The following PTPRN2 variants were observed in gnomAD, a reference collection of about 807,000 sequenced individuals.
PTPRN2 encodes receptor-type tyrosine-protein phosphatase N2.
Under a neutral mutation model 118.8 loss-of-function variants are expected in PTPRN2, and 74 were observed. The ratio of observed to expected loss-of-function variants is 0.62; its 90% CI spans 0.52 to 0.76. The LOEUF is 0.76. Among genes scored for constraint, PTPRN2 ranks in the 30% least tolerant of loss-of-function variants. PTPRN2 has a pLI of 0.00. For synonymous variants in PTPRN2, 641 were observed against 608.0 expected, an observed-to-expected ratio of 1.05 and a Z score of -0.80; for missense variants, 1,481 against 1,394.4, an observed-to-expected ratio of 1.06 and a Z score of -0.99.
At chr7:158,585,833 G>A (rs1228330541) in intron 1 of PTPRN2, among the ~76,000 whole-genome samples, 2 of 152,186 alleles carry the variant, frequency 1.3e-5, no homozygotes, top group Non-Finnish European at 2.9e-5. Flanking sequence ...TCATGTGTAG[G>A]TGAAGGGCGG....
At position 157,944,644 on chromosome 7, in the gene PTPRN2, T is replaced by C. The variant is rs570155688; in HGVS notation, c.1724-45907A>G. Among the ~76,000 whole-genome samples the C allele has an allele frequency of 6.6e-6, 1 of 152,358 alleles. No individual in the cohort carries two copies. The highest frequency in any genetic ancestry group is 1.9e-4 in the East Asian group (1 of 5,182). ...AGGGTCAAACTATGTCCACAGAGGCTGGAACACCAAAATAGAGGCAAAAGT... is the reference window on the plus strand; with the variant it reads ...AGGGTCAAACTATGTCCACAGAGGCCGGAACACCAAAATAGAGGCAAAAGT... On this transcript the variant is annotated intron_variant, in intron 11 of 22. Coordinates refer to ENST00000389418, the MANE Select transcript of PTPRN2 (RefSeq NM_002847.5). The surrounding 1 kb of genome is among the most constrained non-coding windows in gnomAD (Gnocchi z 4.3).
At chr7:157,814,114 G>A (rs1205542680) in intron 12 of PTPRN2, among the ~76,000 whole-genome samples, 1 of 152,214 alleles carries the variant, frequency 6.6e-6, no homozygotes, top group Non-Finnish European at 1.5e-5. Flanking sequence ...GAGCCCCTGG[G>A]GGACACGGCG....
chr7:158,516,999 C>G (rs1823624677), intron 1 of PTPRN2, among the ~76,000 whole-genome samples: 1 of 152,194 alleles, frequency 6.6e-6, no homozygotes. Flanking sequence ...CCCAGCAGAA[C>G]CACTCGTGAG....
chr7:158,012,394 A>G (rs531382901), intron 11 of PTPRN2, among the ~76,000 whole-genome samples: 1 of 152,352 alleles, frequency 6.6e-6, no homozygotes, highest in African/African-American at 2.4e-5. Flanking sequence ...AAAAATCCAT[A>G]GTGTTTAGTA....
intron 11 of PTPRN2, among the ~76,000 whole-genome samples, chr7:157,961,169 A>C (rs1166366721): frequency 6.6e-6 from 1 of 152,246 alleles, no homozygotes; most frequent in Non-Finnish European, 1.5e-5. Flanking sequence ...GAGATTATGA[A>C]GAAATATTTT....
intron 7 of PTPRN2, among the ~76,000 whole-genome samples, chr7:158,137,843 C>A (rs774220940): frequency 6.6e-6 from 1 of 152,332 alleles, no homozygotes; most frequent in Non-Finnish European, 1.5e-5. Flanking sequence ...GGGGCCTCCA[C>A]AGGGCTCCGG....
chr7:157,656,499 G>A lies in PTPRN2; in HGVS notation c.2054C>T (p.Pro685Leu), dbSNP rs180827256. ...GACGCTGCTGATGCGTGACGTGTGC[G>A]GGCCCTCAGGTCGGTCTGGTGGCCG... ...ATRPPDRPEG[P>L]HTSRISSVSS... Residue 685 changes from proline (P) to leucine (L), a missense_variant, in exon 14 of 23, where the codon CCG becomes CTG. Pro to Leu is a moderately conservative substitution (Grantham distance 98). Around this residue, in one of 3 missense-constraint regions of PTPRN2, gnomAD observed 1,115 missense variants for 994.2 expected, o/e 1.12. Coordinates refer to ENST00000389418, the MANE Select transcript of PTPRN2 (RefSeq NM_002847.5). 334 of 1,553,172 alleles carry A rather than the reference G, an allele frequency of 2.2e-4. No individual in the cohort carries two copies. In the East Asian group the frequency reaches 5.6e-3, roughly 26 times the overall value.
At chr7:158,506,134 G>A (rs903723244) in intron 1 of PTPRN2, among the ~76,000 whole-genome samples, 10 of 152,332 alleles carry the variant, frequency 6.6e-5, no homozygotes, top group Non-Finnish European at 1.0e-4. Context: ...GGGAGAGGGC[G>A]AGTTCTGTGG....
At chr7:158,053,603 T>C (rs1809496270) in intron 11 of PTPRN2, among the ~76,000 whole-genome samples, 1 of 152,146 alleles carries the variant, frequency 6.6e-6, no homozygotes, top group Non-Finnish European at 1.5e-5. Flanking sequence ...TTCAATAGGT[T>C]TAATGTGGTA....
intron 11 of PTPRN2, among the ~76,000 whole-genome samples, chr7:158,071,353 TGGTG>T (rs1563390678): frequency 2.5e-4 from 29 of 117,222 alleles, no homozygotes; most frequent in African/African-American, 1.0e-3. Flanking sequence ...GTGCTCGTGG[TGGTG>T]GAGGTGCTCA....
At position 157,671,354 on chromosome 7, in the gene PTPRN2, T is replaced by G. The variant is rs1354463722; in HGVS notation, c.2001+11371A>C. On this transcript the variant is annotated intron_variant, in intron 13 of 22. Transcript: ENST00000389418. This position sits in a 1 kb window ranked among gnomAD's most constrained non-coding sequence, Gnocchi z 4.1. The stretch of plus-strand genomic sequence containing the variant: ...AAGTCACCCTACACTGGAGGGATGG[T>G]GACGAGACGTCACCGCAGAGGCGGC... Among the ~76,000 whole-genome samples the G allele has an allele frequency of 6.6e-6, 1 of 151,986 alleles. No individual in the cohort carries two copies. The highest frequency in any genetic ancestry group is 1.5e-5 in the Non-Finnish European group (1 of 67,988).
chr7:157,549,930 G>A (rs1198298676), intron 21 of PTPRN2, among the ~76,000 whole-genome samples: 1 of 152,238 alleles, frequency 6.6e-6, no homozygotes, highest in Non-Finnish European at 1.5e-5. Context: ...ACTGAGAACT[G>A]TGGTCACCCG....
intron 12 of PTPRN2, among the ~76,000 whole-genome samples, chr7:157,772,599 G>A (rs988765786): frequency 1.1e-4 from 16 of 152,202 alleles, no homozygotes; most frequent in Admixed American, 3.3e-4. Flanking sequence ...ATCCTGCTGC[G>A]GGCGGCCTCA....
At chr7:158,483,747 C>G (rs1439490192) in intron 2 of PTPRN2, among the ~76,000 whole-genome samples, 1 of 144,916 alleles carries the variant, frequency 6.9e-6, no homozygotes, top group Non-Finnish European at 1.5e-5. Flanking sequence ...ACTATGCTTA[C>G]CTCCTTGCCT....
chr7:158,458,877 CT>C (rs2035349743), intron 2 of PTPRN2, among the ~76,000 whole-genome samples: 1 of 152,178 alleles, frequency 6.6e-6, no homozygotes, highest in Admixed American at 6.5e-5. Context: ...CCAGGGCCCC[CT>C]GAGGACTGCG....
chr7:157,819,071 G>T (rs1015137908), intron 12 of PTPRN2, among the ~76,000 whole-genome samples: 12 of 152,146 alleles, frequency 7.9e-5, no homozygotes, highest in African/African-American at 2.9e-4. Context: ...CTGCCACTAA[G>T]CTGCCCTGTG....
intron 11 of PTPRN2, among the ~76,000 whole-genome samples, chr7:157,978,100 A>G (rs976268114): frequency 6.6e-6 from 1 of 152,024 alleles, no homozygotes; most frequent in Non-Finnish European, 1.5e-5. Context: ...ATTAGGATAA[A>G]AGAGGTTTAC....
intron 12 of PTPRN2, among the ~76,000 whole-genome samples, chr7:157,757,962 G>A (rs1262573655): frequency 6.6e-6 from 1 of 152,186 alleles, no homozygotes; most frequent in Non-Finnish European, 1.5e-5. Context: ...CACTGAAAAG[G>A]CAGCACCACG....
chr7:158,160,502 G>A (rs938829606), intron 6 of PTPRN2, among the ~76,000 whole-genome samples: 4 of 152,124 alleles, frequency 2.6e-5, no homozygotes, highest in Non-Finnish European at 1.5e-5. Context: ...GGTTCTCAAT[G>A]CAAAAACACT....
Sources: gnomAD v4.1 joint callset for allele counts (sites outside exome capture counted in the v4.1 genomes callset) on GRCh38, gnomAD v4.1.1 for gene constraint, gnomAD v4.1.1 regional missense constraint, Gnocchi (gnomAD v3.1) non-coding constraint, MANE v1.5 for transcripts, NCBI Gene and HGNC (gene_info 2026-07-23, HGNC 2026-07-21) for gene names.